Variants in MCTP1 observed in about 807,000 individuals in gnomAD.
MCTP1 encodes multiple C2 and transmembrane domain-containing protein 1.
In MCTP1, 69 loss-of-function variants were observed where a neutral mutation model predicts 120.6. That is an observed-to-expected ratio of 0.57 (90% CI 0.47 to 0.70). The LOEUF is 0.70. MCTP1 is among the 30% of genes least tolerant of loss of function. The probability of loss-of-function intolerance (pLI) is 0.00; values close to 1 mark genes in which losing one functional copy is unlikely to be tolerated. For missense variants in MCTP1, 1,203 were observed against 1,248.8 expected, an observed-to-expected ratio of 0.96 and a Z score of 0.55; for synonymous variants, 529 against 493.1, an observed-to-expected ratio of 1.07 and a Z score of -0.96.
chr5:94,778,333 T>C (rs1306254425), intron 19 of MCTP1, among the ~76,000 whole-genome samples: 2 of 152,168 alleles, frequency 1.3e-5, no homozygotes, highest in Non-Finnish European at 1.5e-5. Flanking sequence ...TTTTAGATTT[T>C]AGGTCTGGAA....
At chr5:94,759,251 G>A (rs1027340944) in intron 19 of MCTP1, among the ~76,000 whole-genome samples, 2 of 152,114 alleles carry the variant, frequency 1.3e-5, no homozygotes, top group Non-Finnish European at 2.9e-5. Flanking sequence ...AAGACATCAC[G>A]TAGAGTTCTG....
chr5:94,766,283 T>C (rs1205772936), intron 19 of MCTP1, among the ~76,000 whole-genome samples: 3 of 152,082 alleles, frequency 2.0e-5, no homozygotes, highest in African/African-American at 7.2e-5. Flanking sequence ...CAAATGTCCA[T>C]CAATGATAGA....
At chr5:94,957,360 A>C (rs149707259) in intron 2 of MCTP1, among the ~76,000 whole-genome samples, 6,061 of 152,322 alleles carry the variant, frequency 0.04, 165 homozygotes, top group Middle Eastern at 0.095. Context: ...TGCATCAACT[A>C]ATGGGCGAAA....
At chr5:94,832,537 G>A (rs1209607454) in intron 17 of MCTP1, among the ~76,000 whole-genome samples, 1 of 151,576 alleles carries the variant, frequency 6.6e-6, no homozygotes, top group African/African-American at 2.4e-5. Flanking sequence ...TTGACTCATG[G>A]TTTCCAGCTT....
In MCTP1 at chr5:95,284,550, C is replaced by A; in HGVS notation, c.26G>T (p.Gly9Val). ...GGACGCCGCCGGCGGCTCTGGCTCG[C>A]CCGCCGCGGCAGCCCGGGGCTCCAT... Reference protein sequence around the residue: MEPRAAAAGEPEPPAASSS... With the variant: MEPRAAAAVEPEPPAASSS... Residue 9 changes from glycine to valine, a missense_variant, in exon 1 of 23, where the codon GGC (glycine) becomes GTC (valine). Physicochemically the swap from Gly to Val is moderately radical, Grantham distance 109. Transcript: ENST00000515393. The surrounding 1 kb of genome is among the most constrained non-coding windows in gnomAD (Gnocchi z 5.2). 1 of 1,453,504 alleles carries A rather than the reference C, an allele frequency of 6.9e-7. No homozygotes were observed. The highest frequency in any genetic ancestry group is 2.6e-5 in the Admixed American group (1 of 38,290). 90.0% of individuals were successfully genotyped at this position (1,453,504 alleles called of 1,614,324 possible). A position where few individuals can be genotyped will look rare whatever the true frequency, so the allele number is the denominator to read the frequency against.
intron 18 of MCTP1, among the ~76,000 whole-genome samples, chr5:94,793,129 G>C (rs895542732): frequency 3.3e-5 from 5 of 152,100 alleles, no homozygotes; most frequent in African/African-American, 1.2e-4. Context: ...ACAGTGGTGG[G>C]GGGACTTGGG....
chr5:94,781,609 T>C (rs1177297755), intron 18 of MCTP1, among the ~76,000 whole-genome samples: 3 of 152,174 alleles, frequency 2.0e-5, no homozygotes, highest in African/African-American at 7.2e-5. Context: ...ATCTCCACTA[T>C]CTTCAAATTA....
intron 1 of MCTP1, among the ~76,000 whole-genome samples, chr5:95,254,473 A>C (rs1275674811): frequency 6.6e-6 from 1 of 152,140 alleles, no homozygotes; most frequent in Non-Finnish European, 1.5e-5. Context: ...TCCAGAACCT[A>C]CATCTTACCC....
chr5:95,239,490 G>A (rs1381230635), intron 1 of MCTP1, among the ~76,000 whole-genome samples: 1 of 152,158 alleles, frequency 6.6e-6, no homozygotes, highest in Non-Finnish European at 1.5e-5. Context: ...GATGAGTCTA[G>A]TTCTGGGGAT....
intron 1 of MCTP1, among the ~76,000 whole-genome samples, chr5:95,217,075 A>C (rs1431715967): frequency 5.9e-5 from 9 of 152,218 alleles, no homozygotes; most frequent in African/African-American, 2.2e-4. Flanking sequence ...AGAAAGCAAC[A>C]AGACAGACTC....
At chr5:94,943,044 T>C (rs1316690409) in intron 3 of MCTP1, among the ~76,000 whole-genome samples, 1 of 152,126 alleles carries the variant, frequency 6.6e-6, no homozygotes, top group Non-Finnish European at 1.5e-5. Context: ...CAGTATCTTC[T>C]CTGTGTTTTG....
chr5:95,158,707 C>T (rs1745389267), intron 1 of MCTP1, among the ~76,000 whole-genome samples: 1 of 151,848 alleles, frequency 6.6e-6, no homozygotes, highest in Non-Finnish European at 1.5e-5. Context: ...AGGAGGATCA[C>T]TTGACCTCAC....
chr5:94,812,694 CA>C (rs1325633649), intron 17 of MCTP1, among the ~76,000 whole-genome samples: 1 of 151,148 alleles, frequency 6.6e-6, no homozygotes, highest in African/African-American at 2.4e-5. Context: ...CCCAGGAGTT[CA>C]AAACTGCAGT....
At position 94,917,899 on chromosome 5, in the gene MCTP1, T is replaced by C; in HGVS notation, c.1347A>G (p.Val449=). 1 of 1,613,104 alleles carries C rather than the reference T, an allele frequency of 6.2e-7. No homozygotes were observed. The highest frequency in any genetic ancestry group is 8.5e-7 in the Non-Finnish European group (1 of 1,179,096). Residue 449 remains valine, a synonymous_variant, in exon 8 of 23, where the codon GTA becomes GTG. Transcript: ENST00000515393. ...TGAACTGAATGGTTGAACTTACTTG[T>C]ACATTTTTGCAATAAGGATTCTGAA... ...AELQNPYCKN[V]QFQTQSLRLS...
At chr5:95,039,898 A>G (rs1414503417) in intron 1 of MCTP1, among the ~76,000 whole-genome samples, 2 of 151,142 alleles carry the variant, frequency 1.3e-5, no homozygotes, top group Non-Finnish European at 3.0e-5. Flanking sequence ...AAAAAAAAAA[A>G]AAAAGAAAGA....
At chr5:94,891,765 A>C (rs984863696) in intron 11 of MCTP1, among the ~76,000 whole-genome samples, 3 of 150,880 alleles carry the variant, frequency 2.0e-5, no homozygotes, top group African/African-American at 7.3e-5. Context: ...TAAATAAATA[A>C]ATAAATAAAT....
intron 18 of MCTP1, among the ~76,000 whole-genome samples, chr5:94,796,650 T>TATATATA (rs1561652114): frequency 6.1e-5 from 1 of 16,432 alleles, no homozygotes; most frequent in African/African-American, 1.4e-4. Context: ...TAATATATAT[T>TATATATA]ATATATATTA....
chr5:95,012,092 T>G (rs1278805611), intron 2 of MCTP1, among the ~76,000 whole-genome samples: 1 of 152,138 alleles, frequency 6.6e-6, no homozygotes, highest in Admixed American at 6.6e-5. Context: ...TTGTTACTGC[T>G]TCCAGGCCCT....
intron 1 of MCTP1, among the ~76,000 whole-genome samples, chr5:95,064,525 A>G (rs192006333): frequency 1.3e-5 from 2 of 152,354 alleles, no homozygotes; most frequent in East Asian, 3.9e-4. Context: ...CCATTTGTAG[A>G]CATAAAAATG....
Sources: allele counts gnomAD v4.1 joint callset (sites outside exome capture counted in the v4.1 genomes callset), GRCh38; gene constraint gnomAD v4.1.1; non-coding constraint Gnocchi (gnomAD v3.1); transcripts MANE v1.5; gene names NCBI Gene and HGNC (gene_info 2026-07-23, HGNC 2026-07-21).